LRRC7: variants seen among roughly 807,000 people sequenced by gnomAD.
LRRC7 encodes the protein leucine-rich repeat-containing protein 7.
LRRC7 carries 23 observed loss-of-function variants against 175.7 expected under a neutral mutation model. The ratio of observed to expected loss-of-function variants is 0.13; its 90% CI spans 0.09 to 0.19. The LOEUF is 0.19. Ranked by LOEUF, LRRC7 falls within the 10% of genes least tolerant of loss-of-function variation. The pLI is 1.00. For missense variants in LRRC7, 1,354 were observed against 1,904.7 expected (o/e 0.71, Z 5.38); for synonymous variants, 685 against 680.9 (o/e 1.01, Z -0.09).
In LRRC7 at chr1:70,000,216, C is replaced by T. The variant is rs566336976; in HGVS notation, c.1004+5583C>T. On this transcript the variant is annotated intron_variant, in intron 11 of 26. Coordinates refer to ENST00000651989, the MANE Select transcript of LRRC7 (RefSeq NM_001370785.2). ...TACAGGCCTGATGATAGTGATAATA[C>T]GGTCATGCCAATAGTTGACCACATA... Among the ~76,000 whole-genome samples the T allele has an allele frequency of 3.7e-3, 564 of 152,224 alleles. 3 individuals carry two copies. Among genetic ancestry groups the T allele is most frequent in the Non-Finnish European group, 5.3e-3 (359 of 68,026 alleles).
At chr1:70,018,041 C>T (rs1281385703) in intron 14 of LRRC7, among the ~76,000 whole-genome samples, 1 of 151,936 alleles carries the variant, frequency 6.6e-6, no homozygotes, top group Non-Finnish European at 1.5e-5. Flanking sequence ...GTGTTTCACT[C>T]CTATTAATGT....
intron 3 of LRRC7, among the ~76,000 whole-genome samples, chr1:69,785,091 T>G (rs772698001): frequency 1.3e-5 from 2 of 152,164 alleles, no homozygotes; most frequent in Non-Finnish European, 2.9e-5. Context: ...CATTAGTTCT[T>G]CTATAGCTTT....
At chr1:69,859,722 G>C (rs1305293658) in intron 7 of LRRC7, among the ~76,000 whole-genome samples, 2 of 151,860 alleles carry the variant, frequency 1.3e-5, no homozygotes, top group Admixed American at 1.3e-4. Context: ...CTTTTGTTAA[G>C]AGCTAACAAA....
chr1:69,748,556 G>A (rs993896747), intron 2 of LRRC7, among the ~76,000 whole-genome samples: 2 of 151,970 alleles, frequency 1.3e-5, no homozygotes, highest in Admixed American at 6.6e-5. Flanking sequence ...ATTAAATAAA[G>A]TATTTGATTA....
chr1:69,612,939 G>T (rs1649015140), intron 1 of LRRC7, among the ~76,000 whole-genome samples: 1 of 151,982 alleles, frequency 6.6e-6, no homozygotes, highest in African/African-American at 2.4e-5. Flanking sequence ...CCCATTACAA[G>T]CTCTCGACAC....
intron 11 of LRRC7, among the ~76,000 whole-genome samples, chr1:69,997,760 C>T (rs1200547928): frequency 2.0e-5 from 3 of 151,658 alleles, no homozygotes; most frequent in African/African-American, 4.8e-5. Context: ...CCCACTTGAT[C>T]ATGGTGGATA....
chr1:70,075,511 CG>C (rs1438563178), intron 23 of LRRC7, among the ~76,000 whole-genome samples: 1 of 152,130 alleles, frequency 6.6e-6, no homozygotes, highest in African/African-American at 2.4e-5. Context: ...ATTTCGAAGA[CG>C]GTTCCATAGC....
chr1:70,046,739 C>G, intron 22 of LRRC7, among the ~76,000 whole-genome samples: 1 of 152,140 alleles, frequency 6.6e-6, no homozygotes, highest in East Asian at 1.9e-4. Flanking sequence ...GTTCTGCTTC[C>G]TCCCACGAAT....
chr1:70,032,355 C>T (rs1658837841), intron 18 of LRRC7, among the ~76,000 whole-genome samples: 1 of 151,604 alleles, frequency 6.6e-6, no homozygotes, highest in Non-Finnish European at 1.5e-5. Context: ...CTTGACAAGT[C>T]AAGTCTCTAA....
intron 8 of LRRC7, among the ~76,000 whole-genome samples, chr1:69,949,645 G>A (rs1208111680): frequency 6.6e-6 from 1 of 151,928 alleles, no homozygotes; most frequent in East Asian, 1.9e-4. Context: ...CTATTGATGG[G>A]CATCTTTGTT....
chr1:69,664,011 G>A (rs1323935912), intron 1 of LRRC7, among the ~76,000 whole-genome samples: 4 of 152,198 alleles, frequency 2.6e-5, no homozygotes, highest in South Asian at 2.1e-4. Context: ...GTGAGCCACC[G>A]CGCCCGGCCT....
intron 7 of LRRC7, among the ~76,000 whole-genome samples, chr1:69,846,615 C>A (rs1198537354): frequency 6.6e-6 from 1 of 151,932 alleles, no homozygotes; most frequent in African/African-American, 2.4e-5. Context: ...AGTCAAAAGG[C>A]CCTTGTTGCT....
intron 7 of LRRC7, among the ~76,000 whole-genome samples, chr1:69,902,455 C>T (rs1044494902): frequency 9.9e-5 from 15 of 151,994 alleles, no homozygotes; most frequent in African/African-American, 1.7e-4. Flanking sequence ...TCTGTAGTCC[C>T]GGCTACTCAA....
At chr1:69,643,303 GT>G (rs1373723350) in intron 1 of LRRC7, among the ~76,000 whole-genome samples, 1 of 152,008 alleles carries the variant, frequency 6.6e-6, no homozygotes, top group Admixed American at 6.6e-5. Context: ...GAGAAATAAT[GT>G]TTTACCAGCT....
intron 8 of LRRC7, among the ~76,000 whole-genome samples, chr1:69,949,309 C>T (rs1649669594): frequency 6.6e-6 from 1 of 152,094 alleles, no homozygotes. Context: ...CAGTGGCTCA[C>T]ACGGGTAATC....
At chr1:69,919,026 T>G (rs1457083100) in intron 7 of LRRC7, among the ~76,000 whole-genome samples, 1 of 152,160 alleles carries the variant, frequency 6.6e-6, no homozygotes, top group Non-Finnish European at 1.5e-5. Context: ...AGAAAAAGAC[T>G]TAGAGGTGGC....
chr1:69,880,739 T>C (rs979492525), intron 7 of LRRC7, among the ~76,000 whole-genome samples: 1 of 151,740 alleles, frequency 6.6e-6, no homozygotes, highest in Admixed American at 6.6e-5. Context: ...TTCATCAGAG[T>C]GTAGCTTATT....
At chr1:69,638,824 G>A (rs1198060885) in intron 1 of LRRC7, among the ~76,000 whole-genome samples, 1 of 151,562 alleles carries the variant, frequency 6.6e-6, no homozygotes, top group African/African-American at 2.4e-5. Context: ...ACCACTTGAC[G>A]AATTTTATGA....
intron 1 of LRRC7, among the ~76,000 whole-genome samples, chr1:69,677,449 G>C (rs1400557468): frequency 6.6e-6 from 1 of 151,650 alleles, no homozygotes; most frequent in Non-Finnish European, 1.5e-5. Flanking sequence ...GGGATTACTG[G>C]ATCAAATGGT....
Sources: gnomAD v4.1 joint callset for allele counts (sites outside exome capture counted in the v4.1 genomes callset) on GRCh38, gnomAD v4.1.1 for gene constraint, MANE v1.5 for transcripts, NCBI Gene and HGNC (gene_info 2026-07-23, HGNC 2026-07-21) for gene names.